HCRT: variants seen among roughly 807,000 people sequenced by gnomAD.
HCRT encodes hypocretin (orexin) neuropeptide.
HCRT carries 5 observed loss-of-function variants against 5.7 expected under a neutral mutation model. The observed-to-expected ratio is 0.87, with a 90% CI of 0.45 to 1.83. The LOEUF (loss-of-function observed/expected upper bound fraction) is 1.83, where lower values mean the gene tolerates loss of function less well. Among genes scored for constraint, HCRT ranks in the 40% most tolerant of loss-of-function variants. The probability of loss-of-function intolerance (pLI) is 0.02; values close to 1 mark genes in which losing one functional copy is unlikely to be tolerated. For synonymous variants in HCRT, 114 were observed against 99.0 expected (o/e 1.15, Z -0.90); for missense variants, 207 against 191.8 (o/e 1.08, Z -0.47).
At position 42,184,673 on chromosome 17, in the gene HCRT, G is replaced by T. The variant is rs1037776546; in HGVS notation, c.22-145C>A. ...TGTCACTTAGTTCTCCTTGCTTTGC[G>T]CCCTTGCTGGTATCGGCCTACTTTC... On this transcript the variant is annotated intron_variant, in intron 1 of 1. Transcript: ENST00000293330. The T allele has an allele frequency of 3.6e-5, 46 of 1,262,770 alleles. No individual in the cohort carries two copies. The African/African-American group carries it at 6.4e-4, about 18-fold the overall frequency. The allele number at this position is 1,262,770 out of a possible 1,614,324, so 78.2% of individuals were successfully genotyped here. A position where few individuals can be genotyped will look rare whatever the true frequency, so the allele number is the denominator to read the frequency against.
At chr17:42,184,762 C>A (rs2079925324) in intron 1 of HCRT, among the ~76,000 whole-genome samples, 1 of 152,220 alleles carries the variant, frequency 6.6e-6, no homozygotes, top group Non-Finnish European at 1.5e-5. Context: ...ACCCCCTGGG[C>A]AGAGTGAATC....
intron 1 of HCRT, 58 bp from the exon 2 acceptor site, chr17:42,184,586 C>G: frequency 1.4e-6 from 2 of 1,472,202 alleles, no homozygotes; most frequent in Non-Finnish European, 1.8e-6. Flanking sequence ...GCCACCAGCT[C>G]CCACGCCCAG....
Position 42,184,330 on chromosome 17 carries a change from G to A in HCRT, c.220C>T (p.Pro74Ser). The change falls in exon 2 of 2, where the codon CCG becomes TCG. Residue 74 changes from proline to serine, a missense_variant. Physicochemically the swap from Pro to Ser is moderately conservative, Grantham distance 74. Transcript: ENST00000293330. ...CGCTGCAGCCGACCCTGGAGGCCCG[G>A]GGGCCCGGACCTCCGCTTGCCCAGC... is the stretch of plus-strand genomic sequence containing the variant. The part of the protein sequence containing the change: ...LTLGKRRSGP[P>S]GLQGRLQRLL... 1.3e-6 allele frequency: 2 copies of A among 1,558,332 alleles called. No individual in the cohort carries two copies. The highest frequency in any genetic ancestry group is 1.4e-5 in the African/African-American group (1 of 72,412).
At position 42,184,203 on chromosome 17, in the gene HCRT, G is replaced by A; in HGVS notation, c.347C>T (p.Ser116Phe). 1 of 1,303,396 alleles carries A rather than the reference G, an allele frequency of 7.7e-7. No homozygotes were observed. The highest frequency in any genetic ancestry group is 9.7e-7 in the Non-Finnish European group (1 of 1,028,916). The allele number at this position is 1,303,396 out of a possible 1,614,324, so 80.7% of individuals were successfully genotyped here. A position where few individuals can be genotyped will look rare whatever the true frequency, so the allele number is the denominator to read the frequency against. The part of the protein sequence containing the change: ...APRPCLGRRC[S>F]APAAASVAPG... Reference sequence around the variant, plus strand: ...CGCGACGGAGGCGGCGGCCGGGGCGGAACAGCGGCGCCCGAGGCAGGGGCG... The same window carrying A: ...CGCGACGGAGGCGGCGGCCGGGGCGAAACAGCGGCGCCCGAGGCAGGGGCG... Residue 116 changes from serine (S) to phenylalanine (F), a missense_variant, in exon 2 of 2, where the codon TCC (serine) becomes TTC (phenylalanine). Physicochemically the swap from Ser to Phe is radical, Grantham distance 155. Coordinates refer to ENST00000293330, the MANE Select transcript of HCRT (RefSeq NM_001524.1).
In HCRT at chr17:42,185,393, C is replaced by G; in HGVS notation, c.-28G>C. 6.2e-7 allele frequency: 1 copy of G among 1,613,160 alleles called. No homozygotes were observed. Among genetic ancestry groups the G allele is most frequent in the Admixed American group, 1.7e-5 (1 of 60,014 alleles). ...TGTCTGGCGCTCAGGGTGGGGTAGC[C>G]GGGAAAGGAGATGTCTGTGGTGGTT... On this transcript the variant is annotated 5_prime_UTR_variant, in exon 1 of 2. Coordinates refer to ENST00000293330, the MANE Select transcript of HCRT (RefSeq NM_001524.1).
At position 42,185,413 on chromosome 17, in the gene HCRT, G is replaced by A. The variant is rs1381634171; in HGVS notation, c.-48C>T. 2 of 1,604,154 alleles carry A rather than the reference G, an allele frequency of 1.2e-6. No homozygotes were observed. The highest frequency in any genetic ancestry group is 2.7e-5 in the African/African-American group (2 of 74,670). Reference sequence around the variant, plus strand: ...GTAGCCGGGAAAGGAGATGTCTGTGGTGGTTCAAAAAGCCAGGAACCTTGA... The same window carrying A: ...GTAGCCGGGAAAGGAGATGTCTGTGATGGTTCAAAAAGCCAGGAACCTTGA... On this transcript the variant is annotated 5_prime_UTR_variant, in exon 1 of 2. Transcript: ENST00000293330.
chr17:42,184,648 T>C lies in HCRT; in HGVS notation c.22-120A>G, dbSNP rs1029514349. 2.9e-6 allele frequency: 4 copies of C among 1,365,598 alleles called. No individual in the cohort carries two copies. In the African/African-American group the frequency reaches 6.1e-5, roughly 21 times the overall value. 84.6% of individuals were successfully genotyped at this position (1,365,598 alleles called of 1,614,324 possible). On this transcript the variant is annotated intron_variant, in intron 1 of 1. Transcript: ENST00000293330. Reference sequence around the variant, plus strand: ...CTCCAAGCCTGCACTCCTTTCTGGCTGTCACTTAGTTCTCCTTGCTTTGCG... The same window carrying C: ...CTCCAAGCCTGCACTCCTTTCTGGCCGTCACTTAGTTCTCCTTGCTTTGCG...
intron 1 of HCRT, 36 bp from the exon 2 acceptor site, chr17:42,184,564 C>T (rs1026186218): frequency 4.1e-6 from 6 of 1,477,496 alleles, no homozygotes; most frequent in Admixed American, 4.5e-5. Context: ...GGGGGGTCTT[C>T]CCACGGCGCC....
Position 42,184,092 on chromosome 17 carries a change from G to T in HCRT, c.*62C>A. 1.6e-6 allele frequency: 2 copies of T among 1,240,656 alleles called. No homozygotes were observed. Among genetic ancestry groups the T allele is most frequent in the Non-Finnish European group, 2.0e-6 (2 of 988,854 alleles). 76.9% of individuals were successfully genotyped at this position (1,240,656 alleles called of 1,614,324 possible). A position where few individuals can be genotyped will look rare whatever the true frequency, so the allele number is the denominator to read the frequency against. ...ACTCGTCTTTATTGCCTTTTTTCTG[G>T]GGGCTGACGCTGGGTGGGCAGAGGG... On this transcript the variant is annotated 3_prime_UTR_variant, in exon 2 of 2. Coordinates refer to ENST00000293330, the MANE Select transcript of HCRT (RefSeq NM_001524.1).
In HCRT at chr17:42,184,313, C is replaced by T; in HGVS notation, c.237G>A (p.Arg79=). The T allele has an allele frequency of 1.3e-6, 2 of 1,532,216 alleles. No individual in the cohort carries two copies. Among genetic ancestry groups the T allele is most frequent in the Non-Finnish European group, 1.7e-6 (2 of 1,144,348 alleles). The allele number at this position is 1,532,216 out of a possible 1,614,324, so 94.9% of individuals were successfully genotyped here. The change falls in exon 2 of 2, where the codon CGG becomes CGA. Residue 79 remains arginine, a synonymous_variant. Coordinates refer to ENST00000293330, the MANE Select transcript of HCRT (RefSeq NM_001524.1). ...RRSGPPGLQG[R]LQRLLQASGN... ...CGCTGGCCTGCAGGAGGCGCTGCAG[C>T]CGACCCTGGAGGCCCGGGGGCCCGG... is the stretch of plus-strand genomic sequence containing the variant.
rs2079921952 is a variant in HCRT at position 42,184,199 on chromosome 17, G to A, written c.351C>T (p.Ala117=). Residue 117 remains alanine (A), a synonymous_variant, in exon 2 of 2, where the codon GCC becomes GCT. Transcript: ENST00000293330. The part of the protein sequence containing the change: ...PRPCLGRRCS[A]PAAASVAPGG... ...CGGGCGCGACGGAGGCGGCGGCCGG[G>A]GCGGAACAGCGGCGCCCGAGGCAGG... The A allele has an allele frequency of 2.3e-6, 3 of 1,288,884 alleles. No individual in the cohort carries two copies. Among genetic ancestry groups the A allele is most frequent in the South Asian group, 2.9e-5 (1 of 34,140 alleles). 79.8% of individuals were successfully genotyped at this position (1,288,884 alleles called of 1,614,324 possible). A position where few individuals can be genotyped will look rare whatever the true frequency, so the allele number is the denominator to read the frequency against.
At chr17:42,185,025 C>T (rs2079926242) in intron 1 of HCRT, among the ~76,000 whole-genome samples, 1 of 152,224 alleles carries the variant, frequency 6.6e-6, no homozygotes, top group African/African-American at 2.4e-5. Flanking sequence ...AACCAGTTTC[C>T]TGCCCTTTCA....
Position 42,184,276 on chromosome 17 carries a change from C to G in HCRT, c.274G>C (p.Ala92Pro). Residue 92 changes from alanine (A) to proline (P), a missense_variant, in exon 2 of 2, where the codon GCG (alanine) becomes CCG (proline). Transcript: ENST00000293330. Reference protein sequence around the residue: ...RLLQASGNHAAGILTMGRRAG... With the variant: ...RLLQASGNHAPGILTMGRRAG... ...CGGCGGCCCATGGTCAGGATGCCCG[C>G]GGCGTGGTTGCCGCTGGCCTGCAGG... The G allele has an allele frequency of 6.9e-7, 1 of 1,441,772 alleles. No homozygotes were observed. The highest frequency in any genetic ancestry group is 9.1e-7 in the Non-Finnish European group (1 of 1,100,830). The allele number at this position is 1,441,772 out of a possible 1,614,324, so 89.3% of individuals were successfully genotyped here. A position where few individuals can be genotyped will look rare whatever the true frequency, so the allele number is the denominator to read the frequency against.
chr17:42,184,184 G>A lies in HCRT; in HGVS notation c.366C>T (p.Ser122=), dbSNP rs1368766029. The A allele has an allele frequency of 2.2e-5, 28 of 1,282,878 alleles. No individual in the cohort carries two copies. In the Admixed American group the frequency reaches 1.1e-3, roughly 52 times the overall value. The allele number at this position is 1,282,878 out of a possible 1,614,324, so 79.5% of individuals were successfully genotyped here. Residue 122 remains serine, a synonymous_variant, in exon 2 of 2, where the codon TCC becomes TCT. Transcript: ENST00000293330. ...TCCCGGACTGTCCTCCGGGCGCGACGGAGGCGGCGGCCGGGGCGGAACAGC... is the reference window on the plus strand; with the variant it reads ...TCCCGGACTGTCCTCCGGGCGCGACAGAGGCGGCGGCCGGGGCGGAACAGC... The part of the protein sequence containing the change: ...GRRCSAPAAA[S]VAPGGQSGI
chr17:42,184,605 C>T (rs2079924753), intron 1 of HCRT, 77 bp from the exon 2 acceptor site: 32 of 1,440,692 alleles, frequency 2.2e-5, no homozygotes, highest in Non-Finnish European at 2.9e-5. Flanking sequence ...AGGACCTGCC[C>T]CTCTGGCTCC....
rs970492685 is a variant in HCRT at position 42,184,344 on chromosome 17, C to T, written c.206G>A (p.Arg69Gln). 1 of 1,577,974 alleles carries T rather than the reference C, an allele frequency of 6.3e-7. No homozygotes were observed. ...HAAGILTLGK[R>Q]RSGPPGLQGR... ...CTGGAGGCCCGGGGGCCCGGACCTCCGCTTGCCCAGCGTGAGGATGCCGGC... is the reference window on the plus strand; with the variant it reads ...CTGGAGGCCCGGGGGCCCGGACCTCTGCTTGCCCAGCGTGAGGATGCCGGC... Residue 69 changes from arginine to glutamine, a missense_variant, in exon 2 of 2, where the codon CGG (arginine) becomes CAG (glutamine). Transcript: ENST00000293330.
chr17:42,184,397 C>G lies in HCRT; in HGVS notation c.153G>C (p.Glu51Asp), dbSNP rs766682739. The G allele has an allele frequency of 1.2e-6, 2 of 1,601,732 alleles. No homozygotes were observed. The highest frequency in any genetic ancestry group is 1.3e-5 in the African/African-American group (1 of 74,798). ...RQKTCSCRLY[E>D]LLHGAGNHAA... ...CGTGATTGCCCGCGCCGTGCAGCAG[C>G]TCGTAGAGGCGGCAAGAGCAAGTCT... The change falls in exon 2 of 2, where the codon GAG (glutamate) becomes GAC (aspartate). Residue 51 changes from glutamate to aspartate, a missense_variant. Coordinates refer to ENST00000293330, the MANE Select transcript of HCRT (RefSeq NM_001524.1).
chr17:42,184,552 TG>T (rs546614525), intron 1 of HCRT, 24 bp from the exon 2 acceptor site: 15 of 1,469,180 alleles, frequency 1.0e-5, no homozygotes, highest in East Asian at 8.6e-5. Flanking sequence ...GACAGGGCGC[TG>T]GGGGGGTCTT....
Position 42,184,352 on chromosome 17 carries a change from C to A in HCRT, c.198G>T (p.Leu66=). Residue 66 remains leucine (L), a synonymous_variant, in exon 2 of 2, where the codon CTG becomes CTT. Transcript: ENST00000293330. The stretch of plus-strand genomic sequence containing the variant: ...CCGGGGGCCCGGACCTCCGCTTGCC[C>A]AGCGTGAGGATGCCGGCCGCGTGAT... ...AGNHAAGILT[L]GKRRSGPPGL... is the part of the protein sequence containing the mutation. 1 of 1,586,402 alleles carries A rather than the reference C, an allele frequency of 6.3e-7. No homozygotes were observed. Among genetic ancestry groups the A allele is most frequent in the Non-Finnish European group, 8.5e-7 (1 of 1,171,660 alleles).
Sources: allele counts gnomAD v4.1 joint callset (sites outside exome capture counted in the v4.1 genomes callset), GRCh38; gene constraint gnomAD v4.1.1; transcripts MANE v1.5; gene names NCBI Gene and HGNC (gene_info 2026-07-23, HGNC 2026-07-21).